ITGA9: variants seen among roughly 807,000 people sequenced by gnomAD.
ITGA9 encodes the protein integrin alpha-9.
A neutral mutation model predicts 127.8 loss-of-function variants in ITGA9; 56 were observed. That is an observed-to-expected ratio of 0.44 (90% confidence interval 0.35 to 0.55). The LOEUF (loss-of-function observed/expected upper bound fraction) is 0.55. Among genes scored for constraint, ITGA9 ranks in the 20% least tolerant of loss-of-function variants. The pLI, the probability that ITGA9 is intolerant of heterozygous loss-of-function variation, is 0.00. For missense variants in ITGA9, 1,196 were observed against 1,347.1 expected, an observed-to-expected ratio of 0.89 and a Z score of 1.76; for synonymous variants, 508 against 514.5, an observed-to-expected ratio of 0.99 and a Z score of 0.17.
intron 10 of ITGA9, among the ~76,000 whole-genome samples, chr3:37,518,556 A>G (rs1313250396): frequency 6.6e-6 from 1 of 152,166 alleles, no homozygotes; most frequent in African/African-American, 2.4e-5. Context: ...TTATTATCAA[A>G]TAATAATAAG....
At chr3:37,816,570 C>T (rs1026850058) in intron 27 of ITGA9, among the ~76,000 whole-genome samples, 4 of 152,284 alleles carry the variant, frequency 2.6e-5, no homozygotes, top group South Asian at 2.1e-4. Context: ...AGTCTTGGTC[C>T]GTTTTTCTGG....
rs772008573 is a variant in ITGA9, at chr3:37,803,832, G to A, written c.2899G>A (p.Glu967Lys). ...GNPEEVTVVF[E>K]ALHNLEPRGY... ...TTGCGTTGCCTCCTAGGTGGTCTTC[G>A]AGGCCCTGCACAATCTGGAGCCCCG... The change falls in exon 27 of 28, where the codon GAG (glutamate) becomes AAG (lysine). Residue 967 changes from glutamate to lysine, a missense_variant. Transcript: ENST00000264741. 9.3e-6 allele frequency: 15 copies of A among 1,614,080 alleles called. No homozygotes were observed. Among genetic ancestry groups the A allele is most frequent in the Admixed American group, 5.0e-5 (3 of 60,002 alleles).
chr3:37,767,370 G>C (rs923185569), intron 23 of ITGA9, among the ~76,000 whole-genome samples: 1 of 152,176 alleles, frequency 6.6e-6, no homozygotes, highest in African/African-American at 2.4e-5. Flanking sequence ...ACTGCCTTAA[G>C]GGATGGGGAA....
intron 16 of ITGA9, among the ~76,000 whole-genome samples, chr3:37,638,123 A>G (rs929789156): frequency 6.6e-6 from 1 of 152,186 alleles, no homozygotes; most frequent in African/African-American, 2.4e-5. Context: ...ATTCCTGTCT[A>G]TCATGGAAGG....
intron 19 of ITGA9, among the ~76,000 whole-genome samples, chr3:37,736,437 T>C (rs2461283): frequency 6.6e-6 from 1 of 152,230 alleles, no homozygotes; most frequent in Non-Finnish European, 1.5e-5. Context: ...TCTGTTTTCA[T>C]TGTGTTCATT....
At chr3:37,707,978 G>C (rs1307170396) in intron 18 of ITGA9, among the ~76,000 whole-genome samples, 3 of 152,138 alleles carry the variant, frequency 2.0e-5, no homozygotes, top group African/African-American at 7.2e-5. Flanking sequence ...TAGCTCAAAG[G>C]TGTTCCCATT....
intron 20 of ITGA9, among the ~76,000 whole-genome samples, chr3:37,740,582 A>T (rs1023754968): frequency 6.6e-6 from 1 of 151,966 alleles, no homozygotes; most frequent in African/African-American, 2.4e-5. Context: ...GCTGGTTGGA[A>T]TCTCAGCTCT....
At chr3:37,771,852 T>C (rs1007985229) in intron 23 of ITGA9, among the ~76,000 whole-genome samples, 1 of 152,150 alleles carries the variant, frequency 6.6e-6, no homozygotes, top group Non-Finnish European at 1.5e-5. Flanking sequence ...TGGAGAATGC[T>C]GAGGTTTCCA....
intron 27 of ITGA9, 36 bp from the exon 28 acceptor site, chr3:37,818,855 C>A: frequency 6.5e-7 from 1 of 1,528,618 alleles, no homozygotes; most frequent in Non-Finnish European, 9.1e-7. Context: ...TTCTTCAGCA[C>A]TTCTAACTCA....
chr3:37,598,927 G>A (rs1224048162), intron 15 of ITGA9, among the ~76,000 whole-genome samples: 1 of 152,152 alleles, frequency 6.6e-6, no homozygotes, highest in African/African-American at 2.4e-5. Context: ...AAGCCCAGTG[G>A]GTGATGCCTT....
chr3:37,530,734 T>G (rs1184758030), intron 13 of ITGA9, among the ~76,000 whole-genome samples: 1 of 15,532 alleles, frequency 6.4e-5, no homozygotes. Flanking sequence ...TTTTTTTTTT[T>G]TTTTTTTTTT....
chr3:37,719,811 T>C (rs927049633), intron 18 of ITGA9, among the ~76,000 whole-genome samples: 1 of 152,148 alleles, frequency 6.6e-6, no homozygotes, highest in Non-Finnish European at 1.5e-5. Flanking sequence ...CCATACAAAC[T>C]AATTGCACCC....
intron 27 of ITGA9, chr3:37,807,247 A>G (rs940815988): frequency 2.6e-5 from 4 of 152,230 alleles, no homozygotes; most frequent in Non-Finnish European, 5.9e-5. Flanking sequence ...CATCACCTCC[A>G]GTTTGGTATG....
chr3:37,558,948 C>G (rs1699458445), intron 15 of ITGA9, among the ~76,000 whole-genome samples: 1 of 152,210 alleles, frequency 6.6e-6, no homozygotes, highest in Non-Finnish European at 1.5e-5. Context: ...TGAGCTCCCT[C>G]ACATCTGAGC....
intron 15 of ITGA9, among the ~76,000 whole-genome samples, chr3:37,563,412 G>T (rs983435262): frequency 6.6e-6 from 1 of 152,228 alleles, no homozygotes; most frequent in Non-Finnish European, 1.5e-5. Context: ...GACTGAAGCA[G>T]TACATTTTTA....
At chr3:37,523,335 A>C (rs1040516341) in intron 11 of ITGA9, among the ~76,000 whole-genome samples, 186 bp from the exon 12 acceptor site, 4 of 152,218 alleles carry the variant, frequency 2.6e-5, no homozygotes, top group African/African-American at 9.6e-5. Context: ...GACAAGTAAT[A>C]ATAAAGGAGT....
intron 9 of ITGA9, among the ~76,000 whole-genome samples, chr3:37,516,186 C>T (rs1698982274): frequency 6.6e-6 from 1 of 152,200 alleles, no homozygotes; most frequent in African/African-American, 2.4e-5. Flanking sequence ...GATGCACCCA[C>T]ACCCTCCCCT....
chr3:37,697,297 G>A (rs1024205818), intron 18 of ITGA9, among the ~76,000 whole-genome samples: 3 of 142,512 alleles, frequency 2.1e-5, no homozygotes, highest in South Asian at 2.3e-4. Context: ...TACAAATAAC[G>A]ACTACTTCTG....
chr3:37,660,353 G>T (rs901536082), intron 17 of ITGA9, among the ~76,000 whole-genome samples: 1 of 152,172 alleles, frequency 6.6e-6, no homozygotes, highest in Admixed American at 6.5e-5. Flanking sequence ...ATTTTGGATC[G>T]TAGAAAAACT....
Sources: allele counts gnomAD v4.1 joint callset (sites outside exome capture counted in the v4.1 genomes callset), GRCh38; gene constraint gnomAD v4.1.1; transcripts MANE v1.5; gene names NCBI Gene and HGNC (gene_info 2026-07-23, HGNC 2026-07-21).